C4orf51: variants seen among roughly 807,000 people sequenced by gnomAD.
C4orf51 encodes uncharacterized protein C4orf51.
C4orf51 carries 25 observed loss-of-function variants against 25.2 expected under a neutral mutation model. The observed-to-expected ratio is 0.99, with a 90% CI of 0.72 to 1.39. C4orf51 has a LOEUF of 1.39. C4orf51 is among the 40% of genes most tolerant of loss of function. The probability of loss-of-function intolerance (pLI) is 0.00; values close to 1 mark genes in which losing one functional copy is unlikely to be tolerated. For synonymous variants in C4orf51, 100 were observed against 84.5 expected, an observed-to-expected ratio of 1.18 and a Z score of -1.01; for missense variants, 252 against 239.6, an observed-to-expected ratio of 1.05 and a Z score of -0.34.
chr4:145,739,186 C>T (rs146811103), intron 1 of C4orf51, among the ~76,000 whole-genome samples: 135 of 152,324 alleles, frequency 8.9e-4, no homozygotes, highest in African/African-American at 3.2e-3. Context: ...AAGAAGCATA[C>T]ACAAATACTT....
chr4:145,681,498 ACAT>A, intron 1 of C4orf51, among the ~76,000 whole-genome samples: 1 of 152,198 alleles, frequency 6.6e-6, no homozygotes. Context: ...TTAGCTTTGG[ACAT>A]CCCTTTGCTA....
chr4:145,729,267 T>A (rs765957080), intron 4 of C4orf51, 38 bp downstream of exon 4: 2 of 1,275,086 alleles, frequency 1.6e-6, no homozygotes, highest in Admixed American at 3.9e-5. Context: ...ACATCCATTT[T>A]CTGGCCTTTA....
At chr4:145,683,149 T>C (rs1728936613) in intron 1 of C4orf51, among the ~76,000 whole-genome samples, 1 of 152,142 alleles carries the variant, frequency 6.6e-6, no homozygotes, top group Non-Finnish European at 1.5e-5. Context: ...TAATACCATA[T>C]ACACTAGCAT....
At chr4:145,789,547 T>C in the C4orf51 span, among the ~76,000 whole-genome samples, 4 of 152,208 alleles carry the variant, frequency 2.6e-5, no homozygotes, top group Admixed American at 2.6e-4. Context: ...ATCATTCTTA[T>C]TTTACAACAC....
intron 2 of C4orf51, among the ~76,000 whole-genome samples, chr4:145,701,564 A>G (rs548817765): frequency 1.3e-5 from 2 of 151,292 alleles, no homozygotes; most frequent in Admixed American, 1.3e-4. Flanking sequence ...CTGAAGACTG[A>G]TGCTGCCCGA....
Position 145,740,240 on chromosome 4 carries a change from CAAAAAAAAA to C in C4orf51, n.167+7644_167+7652del, listed in dbSNP as rs60310006. Among the ~76,000 whole-genome samples the C allele has an allele frequency of 1.3e-3, 139 of 104,748 alleles. 2 individuals are homozygous for C. Among genetic ancestry groups the C allele is most frequent in the Non-Finnish European group, 1.7e-3 (92 of 55,574 alleles). 68.7% of individuals were successfully genotyped at this position (104,748 alleles called of 152,430 possible). On this transcript the variant is annotated intron_variant and non_coding_transcript_variant, in intron 1 of 1. Transcript: ENST00000508981. ...AATTATAGCTATCTCTCCCTTTCTGCAAAAAAAAAAAAAAAAAAAAAAAAAAAAAAAGAC... is the reference window on the plus strand; with the variant it reads ...AATTATAGCTATCTCTCCCTTTCTGCAAAAAAAAAAAAAAAAAAAAAAGAC...
At chr4:145,778,432 C>A in the C4orf51 span, among the ~76,000 whole-genome samples, 1 of 152,088 alleles carries the variant, frequency 6.6e-6, no homozygotes, top group African/African-American at 2.4e-5. Context: ...TCGCGCCCGA[C>A]AACAAAAACC....
chr4:145,740,411 C>G (rs1032911869), intron 1 of C4orf51, among the ~76,000 whole-genome samples: 32 of 152,146 alleles, frequency 2.1e-4, no homozygotes, highest in African/African-American at 7.0e-4. Flanking sequence ...CCTAACTCAT[C>G]GGGTTTCCTA....
chr4:145,685,611 G>A (rs1729105259), intron 1 of C4orf51, among the ~76,000 whole-genome samples: 1 of 152,206 alleles, frequency 6.6e-6, no homozygotes, highest in Non-Finnish European at 1.5e-5. Context: ...GATTTTCACA[G>A]TGCTTTTCTA....
At chr4:145,756,995 T>A (rs186652020), downstream of C4orf51, among the ~76,000 whole-genome samples, 54 of 152,344 alleles carry the variant, frequency 3.5e-4, 2 homozygotes, top group South Asian at 4.3e-3. Context: ...TCTGCTGCTT[T>A]ATATATTTTT....
chr4:145,762,066 G>A lies in C4orf51; in HGVS notation n.167-8922G>A, dbSNP rs374381208. ...CCAAGCACACGCAGAAAGGCTAAGA[G>A]GTTTTAAAGAACAGCTTATAGGGGG... On this transcript the variant is annotated intron_variant and non_coding_transcript_variant, in intron 1 of 1. Coordinates refer to the C4orf51 transcript ENST00000510096. The surrounding 1 kb of genome is among the most constrained non-coding windows in gnomAD (Gnocchi z 4.9). 1.1e-4 allele frequency among the ~76,000 whole-genome samples: 16 copies of A among 152,286 alleles called. No individual in the cohort carries two copies. The East Asian group carries it at 1.7e-3, about 17-fold the overall frequency.
chr4:145,716,098 T>G (rs1276057542), intron 2 of C4orf51, among the ~76,000 whole-genome samples: 12 of 152,234 alleles, frequency 7.9e-5, no homozygotes, highest in Admixed American at 7.9e-4. Context: ...AAATTATCTA[T>G]TATCTATTAT....
At chr4:145,697,727 T>A (rs1730163307) in intron 2 of C4orf51, among the ~76,000 whole-genome samples, 1 of 152,236 alleles carries the variant, frequency 6.6e-6, no homozygotes, top group African/African-American at 2.4e-5. Flanking sequence ...TCCATTGTAT[T>A]ATATACCACA....
chr4:145,719,393 C>T (rs1731595620), intron 2 of C4orf51, among the ~76,000 whole-genome samples: 5 of 151,984 alleles, frequency 3.3e-5, no homozygotes, highest in South Asian at 2.1e-4. Flanking sequence ...ATCACGAGGT[C>T]GGGAGATCGA....
the C4orf51 span, among the ~76,000 whole-genome samples, chr4:145,786,792 T>C: frequency 6.6e-6 from 1 of 152,242 alleles, no homozygotes; most frequent in African/African-American, 2.4e-5. Context: ...GTTCCAGTGC[T>C]TGCAGCTCGT....
rs1425400512 is a variant in C4orf51 at position 145,727,989 on chromosome 4, TAA to T, written c.366+1021_366+1022del. 6.7e-5 allele frequency among the ~76,000 whole-genome samples: 9 copies of T among 133,428 alleles called. No homozygotes were observed. In the East Asian group the frequency reaches 1.6e-3, roughly 24 times the overall value. 87.5% of individuals were successfully genotyped at this position (133,428 alleles called of 152,430 possible). On this transcript the variant is annotated intron_variant, in intron 3 of 5. Transcript: ENST00000438731. ...TATAATATAATATATACATTATATA[TAA>T]TATATTATATATATAATGTGTGTAT...
chr4:145,779,636 C>G, the C4orf51 span: 203 of 1,298,654 alleles, frequency 1.6e-4, no homozygotes, highest in Non-Finnish European at 2.0e-4. Flanking sequence ...GCAAATGAGT[C>G]TCCGTAACTG....
At chr4:145,706,460 C>T (rs1441240785) in intron 2 of C4orf51, among the ~76,000 whole-genome samples, 1 of 152,120 alleles carries the variant, frequency 6.6e-6, no homozygotes, top group Non-Finnish European at 1.5e-5. Context: ...ATATTCTTTA[C>T]TCACCACAGG....
chr4:145,715,878 C>A (rs1013442004), intron 2 of C4orf51, among the ~76,000 whole-genome samples: 2 of 152,090 alleles, frequency 1.3e-5, no homozygotes, highest in Admixed American at 1.3e-4. Context: ...TCATATTAGT[C>A]CCAGAATGTA....
Sources: allele counts gnomAD v4.1 joint callset (sites outside exome capture counted in the v4.1 genomes callset), GRCh38; gene constraint gnomAD v4.1.1; non-coding constraint Gnocchi (gnomAD v3.1); transcripts MANE v1.5; gene names NCBI Gene and HGNC (gene_info 2026-07-23, HGNC 2026-07-21).